SLC35E2B: variants seen among roughly 807,000 people sequenced by gnomAD.
The protein encoded by SLC35E2B is solute carrier family 35, member E2B.
A neutral mutation model predicts 32.4 loss-of-function variants in SLC35E2B; 18 were observed. The observed-to-expected ratio is 0.56, with a 90% CI of 0.38 to 0.82. The LOEUF (loss-of-function observed/expected upper bound fraction) is 0.82. Ranked by LOEUF, SLC35E2B falls within the 40% of genes least tolerant of loss-of-function variation. The pLI is 0.00. For missense variants in SLC35E2B, 263 were observed against 469.5 expected, an observed-to-expected ratio of 0.56 and a Z score of 4.06; for synonymous variants, 132 against 209.1, an observed-to-expected ratio of 0.63 and a Z score of 3.18.
At chr1:1,690,452 A>G (rs1644005734) in intron 2 of SLC35E2B, among the ~76,000 whole-genome samples, 1 of 149,642 alleles carries the variant, frequency 6.7e-6, no homozygotes, top group Non-Finnish European at 1.5e-5. Context: ...AAAAAAAAAA[A>G]TGTTGGCGGG....
intron 2 of SLC35E2B, among the ~76,000 whole-genome samples, chr1:1,681,264 C>T (rs966782435): frequency 1.3e-5 from 2 of 151,976 alleles, no homozygotes; most frequent in African/African-American, 4.8e-5. Flanking sequence ...ATGGCATGAT[C>T]TTGGCTCACT....
In SLC35E2B at chr1:1,681,788, A is replaced by G. The variant is rs538003264; in HGVS notation, c.-147-4942T>C. ...ATCCCGAGGTCAGGAGATGGAGACT[A>G]TCCTGACTAACACTGTGAAATTCTG... On this transcript the variant is annotated intron_variant, in intron 2 of 9. Coordinates refer to ENST00000617444, the MANE Select transcript of SLC35E2B (RefSeq NM_001290264.2). Among the ~76,000 whole-genome samples the G allele has an allele frequency of 1.3e-4, 20 of 150,510 alleles. 1 individual carries two copies. The highest frequency in any genetic ancestry group is 4.6e-4 in the African/African-American group (19 of 41,162).
intron 9 of SLC35E2B, among the ~76,000 whole-genome samples, chr1:1,666,295 T>G (rs1643544536): frequency 6.6e-6 from 1 of 152,156 alleles, no homozygotes; most frequent in South Asian, 2.1e-4. Context: ...CCTTCTTTTT[T>G]GAGGGGTACT....
Position 1,663,318 on chromosome 1 carries a change from A to C in SLC35E2B, c.*2464T>G. The stretch of plus-strand genomic sequence containing the variant: ...GGCTGGAAATTCCAAGGTGCTCAGA[A>C]CCAGGCGCCTGCACCTCTCCTTATG... On this transcript the variant is annotated 3_prime_UTR_variant, in exon 10 of 10. Transcript: ENST00000617444. 10 of 980,856 alleles carry C rather than the reference A, an allele frequency of 1.0e-5. No homozygotes were observed. Among genetic ancestry groups the C allele is most frequent in the Non-Finnish European group, 1.2e-5 (10 of 826,784 alleles). The allele number at this position is 980,856 out of a possible 1,614,324, so 60.8% of individuals were successfully genotyped here. A position where few individuals can be genotyped will look rare whatever the true frequency, so the allele number is the denominator to read the frequency against.
chr1:1,665,522 G>A lies in SLC35E2B; in HGVS notation c.*260C>T. The A allele has an allele frequency of 1.7e-6, 1 of 592,668 alleles. No individual in the cohort carries two copies. The allele number at this position is 592,668 out of a possible 1,614,324, so 36.7% of individuals were successfully genotyped here. A position where few individuals can be genotyped will look rare whatever the true frequency, so the allele number is the denominator to read the frequency against. On this transcript the variant is annotated 3_prime_UTR_variant, in exon 10 of 10. Transcript: ENST00000617444. ...GCACCCCCAGCATGGGAGCCTCAGA[G>A]GCTGTTTTCACATTACACGGGGATG...
chr1:1,683,640 C>G (rs780699912), intron 2 of SLC35E2B, among the ~76,000 whole-genome samples: 1 of 151,986 alleles, frequency 6.6e-6, no homozygotes, highest in African/African-American at 2.4e-5. Flanking sequence ...CTGAGGTTGG[C>G]GGGTGGGGCT....
rs1643592893 is a variant in SLC35E2B, at chr1:1,668,264, A to C, written c.980+63T>G. On this transcript the variant is annotated intron_variant, in intron 9 of 9. Transcript: ENST00000617444. ...ATGTGTCCCTTATAAAAATACCTAG[A>C]TTTCTGGTCTCCTTTGTAAACAACC... The C allele has an allele frequency of 2.7e-5, 41 of 1,522,412 alleles. No individual in the cohort carries two copies. The South Asian group carries it at 4.7e-4, about 18-fold the overall frequency. The allele number at this position is 1,522,412 out of a possible 1,614,324, so 94.3% of individuals were successfully genotyped here. A position where few individuals can be genotyped will look rare whatever the true frequency, so the allele number is the denominator to read the frequency against.
Position 1,664,831 on chromosome 1 carries a change from G to A in SLC35E2B, c.*951C>T. Reference sequence around the variant, plus strand: ...CAGCGTCCTGCCCAAGGCTCACGTGGGGAACCGGACAGGTGCTAGATGATG... The same window carrying A: ...CAGCGTCCTGCCCAAGGCTCACGTGAGGAACCGGACAGGTGCTAGATGATG... On this transcript the variant is annotated 3_prime_UTR_variant, in exon 10 of 10. Transcript: ENST00000617444. The A allele has an allele frequency of 3.3e-6, 3 of 910,164 alleles. No homozygotes were observed. Among genetic ancestry groups the A allele is most frequent in the Non-Finnish European group, 3.9e-6 (3 of 766,650 alleles). 56.4% of individuals were successfully genotyped at this position (910,164 alleles called of 1,614,324 possible). A position where few individuals can be genotyped will look rare whatever the true frequency, so the allele number is the denominator to read the frequency against.
In SLC35E2B at chr1:1,671,586, C is replaced by T; in HGVS notation, c.630G>A (p.Leu210=). ...NLSLIPVMGG[L]ALCTATEISF... is the part of the protein sequence containing the mutation. ...TGATCTCAGTGGCCGTGCACAGCGC[C>T]AGCCCGCCCATGACTGGGATGAGGG... The change falls in exon 6 of 10, where the codon CTG becomes CTA. Residue 210 remains leucine, a synonymous_variant. Transcript: ENST00000617444. 2 of 1,549,256 alleles carry T rather than the reference C, an allele frequency of 1.3e-6. No individual in the cohort carries two copies. Among genetic ancestry groups the T allele is most frequent in the East Asian group, 2.5e-5 (1 of 40,664 alleles).
Position 1,662,872 on chromosome 1 carries a change from C to G in SLC35E2B, c.*2910G>C. ...ACCACACCTGGTGTGTTCCTAGAAG[C>G]TCACCTGTGACAGTTCAACAAGAAC... On this transcript the variant is annotated 3_prime_UTR_variant, in exon 10 of 10. Coordinates refer to ENST00000617444, the MANE Select transcript of SLC35E2B (RefSeq NM_001290264.2). 1.2e-6 allele frequency: 1 copy of G among 811,218 alleles called. No individual in the cohort carries two copies. Among genetic ancestry groups the G allele is most frequent in the East Asian group, 1.2e-4 (1 of 8,450 alleles). 50.3% of individuals were successfully genotyped at this position (811,218 alleles called of 1,614,324 possible). A position where few individuals can be genotyped will look rare whatever the true frequency, so the allele number is the denominator to read the frequency against.
rs540269797 is a variant in SLC35E2B, at chr1:1,681,899, G to A, written c.-147-5053C>T. On this transcript the variant is annotated intron_variant, in intron 2 of 9. Coordinates refer to ENST00000617444, the MANE Select transcript of SLC35E2B (RefSeq NM_001290264.2). The stretch of plus-strand genomic sequence containing the variant: ...ACTCAGGAGGCTGAGGCAGGAGAAC[G>A]GTGTGAACCCGGGAGGTGGAGCTTG... Among the ~76,000 whole-genome samples, 8 of 148,626 alleles carry A rather than the reference G, an allele frequency of 5.4e-5. No homozygotes were observed. The East Asian group carries it at 8.1e-4, about 15-fold the overall frequency.
At chr1:1,677,855 C>T (rs552470802) in intron 2 of SLC35E2B, among the ~76,000 whole-genome samples, 2 of 151,528 alleles carry the variant, frequency 1.3e-5, no homozygotes, top group African/African-American at 4.9e-5. Flanking sequence ...TCCCTTCCCA[C>T]GAGCTCCAGG....
At position 1,662,818 on chromosome 1, in the gene SLC35E2B, C is replaced by G. The variant is rs1437261321; in HGVS notation, c.*2964G>C. On this transcript the variant is annotated 3_prime_UTR_variant, in exon 10 of 10. Coordinates refer to ENST00000617444, the MANE Select transcript of SLC35E2B (RefSeq NM_001290264.2). ...TCTGTTCGTTTACAAAAGCACAGAC[C>G]ACGACCATGGACACACCCAGTGGAA... 2.5e-6 allele frequency: 2 copies of G among 813,744 alleles called. No homozygotes were observed. The highest frequency in any genetic ancestry group is 3.0e-6 in the Non-Finnish European group (2 of 670,758). The allele number at this position is 813,744 out of a possible 1,614,324, so 50.4% of individuals were successfully genotyped here.
chr1:1,679,764 A>G (rs536412028), intron 2 of SLC35E2B, among the ~76,000 whole-genome samples: 25 of 147,006 alleles, frequency 1.7e-4, no homozygotes, highest in African/African-American at 5.3e-4. Context: ...CCTGGAAGGC[A>G]GAGCTTGCAG....
At chr1:1,678,445 C>A (rs936624947) in intron 2 of SLC35E2B, among the ~76,000 whole-genome samples, 1 of 152,014 alleles carries the variant, frequency 6.6e-6, no homozygotes, top group South Asian at 2.1e-4. Context: ...CAGCCTTCCT[C>A]TCTCTCCTCC....
intron 2 of SLC35E2B, among the ~76,000 whole-genome samples, chr1:1,682,733 T>C (rs1643910924): frequency 6.6e-6 from 1 of 152,002 alleles, no homozygotes; most frequent in Non-Finnish European, 1.5e-5. Context: ...CCTCCCTAAG[T>C]AGTTGTGAGA....
intron 2 of SLC35E2B, among the ~76,000 whole-genome samples, chr1:1,689,478 G>A (rs1422630696): frequency 6.6e-6 from 1 of 151,590 alleles, no homozygotes; most frequent in African/African-American, 2.4e-5. Context: ...CGGCTTTGCA[G>A]CAGCAGGGTC....
intron 9 of SLC35E2B, among the ~76,000 whole-genome samples, chr1:1,667,222 C>A (rs1005844059): frequency 4.5e-4 from 67 of 147,646 alleles, no homozygotes; most frequent in African/African-American, 1.6e-3. Context: ...CTGGCTAACA[C>A]GGTGAAACCC....
intron 2 of SLC35E2B, among the ~76,000 whole-genome samples, chr1:1,678,459 C>A (rs1643872283): frequency 6.6e-6 from 1 of 152,042 alleles, no homozygotes; most frequent in Non-Finnish European, 1.5e-5. Context: ...CTCCTCCCCT[C>A]CCCCTGCTGT....
Sources: allele counts gnomAD v4.1 joint callset (sites outside exome capture counted in the v4.1 genomes callset), GRCh38; gene constraint gnomAD v4.1.1; transcripts MANE v1.5; gene names NCBI Gene and HGNC (gene_info 2026-07-23, HGNC 2026-07-21).